Variants in GNLY observed in about 807,000 individuals in gnomAD.
GNLY encodes the protein T-cell activation protein 519.
GNLY carries 15 observed loss-of-function variants against 18.5 expected under a neutral mutation model. The ratio of observed to expected loss-of-function variants is 0.81; its 90% CI spans 0.54 to 1.25. The LOEUF is 1.25. GNLY is among the 50% of genes most tolerant of loss of function. GNLY has a pLI of 0.00. For missense variants in GNLY, 178 were observed against 186.9 expected (o/e 0.95, Z 0.28); for synonymous variants, 77 against 74.9 (o/e 1.03, Z -0.14).
rs761811741 is a variant in GNLY at position 85,695,966 on chromosome 2, G to A, written c.165G>A (p.Leu55=). Residue 55 remains leucine, a synonymous_variant, in exon 3 of 5, where the codon CTG becomes CTA. Transcript: ENST00000263863. ...GCTTTCTTTCCTGACAGGGTGACCTGTTGACCAAAACACAGGAGCTGGGCC... is the reference window on the plus strand; with the variant it reads ...GCTTTCTTTCCTGACAGGGTGACCTATTGACCAAAACACAGGAGCTGGGCC... ...CLAQEGPQGD[L]LTKTQELGRD... 4.4e-6 allele frequency: 7 copies of A among 1,603,066 alleles called. No individual in the cohort carries two copies. Among genetic ancestry groups the A allele is most frequent in the Non-Finnish European group, 6.0e-6 (7 of 1,169,996 alleles).
In GNLY at chr2:85,694,653, C is replaced by T. The variant is rs141328337; in HGVS notation, c.52+183C>T. On this transcript the variant is annotated intron_variant, in intron 1 of 4. Coordinates refer to ENST00000263863, the MANE Select transcript of GNLY (RefSeq NM_006433.5). Reference sequence around the variant, plus strand: ...GGCTTAGTCCAGTGTGCTGCCCAGCCTGTCACTGGCCTGGCCAAGGAGGAG... The same window carrying T: ...GGCTTAGTCCAGTGTGCTGCCCAGCTTGTCACTGGCCTGGCCAAGGAGGAG... The T allele has an allele frequency of 1.7e-4, 189 of 1,132,674 alleles. 1 individual carries two copies. In the Middle Eastern group the frequency reaches 3.0e-3, roughly 18 times the overall value. The allele number at this position is 1,132,674 out of a possible 1,614,324, so 70.2% of individuals were successfully genotyped here.
Position 85,696,068 on chromosome 2 carries a change from G to C in GNLY, c.255+12G>C, listed in dbSNP as rs760741630. ...ATAAGCCCACCCAGGTGAGGCCAAG[G>C]GGCTACAGAGCCTCCTGTCTGCTGC... is the stretch of plus-strand genomic sequence containing the variant. On this transcript the variant is annotated intron_variant, in intron 3 of 4. Transcript: ENST00000263863. 1 of 1,452,094 alleles carries C rather than the reference G, an allele frequency of 6.9e-7. No homozygotes were observed. Among genetic ancestry groups the C allele is most frequent in the South Asian group, 1.2e-5 (1 of 86,746 alleles). 90.0% of individuals were successfully genotyped at this position (1,452,094 alleles called of 1,614,324 possible).
Position 85,698,633 on chromosome 2 carries a change from C to G in GNLY, c.*59C>G, listed in dbSNP as rs7908. On this transcript the variant is annotated 3_prime_UTR_variant, in exon 5 of 5. Transcript: ENST00000263863. Reference sequence around the variant, plus strand: ...GCTCCTGTCCTCAGATCCCGGGAACCTCAGCAACCTCTGCCGGCTCCTCGC... The same window carrying G: ...GCTCCTGTCCTCAGATCCCGGGAACGTCAGCAACCTCTGCCGGCTCCTCGC... 637,335 of 1,611,622 alleles carry G rather than the reference C, an allele frequency of 0.4. 128,052 individuals are homozygous for G. Among genetic ancestry groups the G allele is most frequent in the East Asian group, 0.58 (26,188 of 44,852 alleles).
At chr2:85,697,259 G>A (rs1678491511) in intron 3 of GNLY, 4 of 489,114 alleles carry the variant, frequency 8.2e-6, no homozygotes, top group Middle Eastern at 1.1e-3. Context: ...AGGTGCACAA[G>A]GCGCTGAGAC....
At chr2:85,695,890 T>C in intron 2 of GNLY, 68 bp from the exon 3 acceptor site, 3 of 864,704 alleles carry the variant, frequency 3.5e-6, no homozygotes, top group Non-Finnish European at 5.8e-6. Context: ...AAGGGCCCCT[T>C]TCCTGGGCAC....
At chr2:85,695,484 C>A in intron 2 of GNLY, 61 bp downstream of exon 2, 1 of 1,013,498 alleles carries the variant, frequency 9.9e-7, no homozygotes, top group Non-Finnish European at 1.5e-6. Context: ...TCCCTGGTGG[C>A]TCCTGGGGTG....
intron 4 of GNLY, 167 bp from the exon 5 acceptor site, chr2:85,698,397 G>A: frequency 9.4e-7 from 1 of 1,059,066 alleles, no homozygotes; most frequent in Non-Finnish European, 1.5e-6. Flanking sequence ...TTCTATTCAA[G>A]GCCCCACAAC....
In GNLY at chr2:85,696,015, AT is replaced by A; in HGVS notation, c.215del (p.Ile72LysfsTer5). ...LGRDYRTCLT[I>X]VQKLKKMVDK... is the part of the protein sequence containing the mutation. ...CCGTGACTACAGGACCTGTCTGACG[AT>A]AGTCCAAAAACTGAAGAAGATGGTG... On this transcript the variant is annotated frameshift_variant, in exon 3 of 5. Transcript: ENST00000263863. LOFTEE classifies it high-confidence loss of function. The A allele has an allele frequency of 6.2e-7, 1 of 1,612,156 alleles. No homozygotes were observed. The highest frequency in any genetic ancestry group is 1.1e-5 in the South Asian group (1 of 90,972).
chr2:85,695,431 T>C lies in GNLY; in HGVS notation c.156+8T>C. The C allele has an allele frequency of 6.5e-7, 1 of 1,533,956 alleles. No homozygotes were observed. The highest frequency in any genetic ancestry group is 2.2e-5 in the East Asian group (1 of 44,514). On this transcript the variant is annotated splice_region_variant and intron_variant, in intron 2 of 4. Transcript: ENST00000263863. ...GCCCAGGAGGGCCCCCAGGTACGTG[T>C]TGGCTCTCTGCTCACCTGCCACAGT...
At chr2:85,697,783 AGT>A in intron 4 of GNLY, 106 bp downstream of exon 4, 2 of 757,370 alleles carry the variant, frequency 2.6e-6, no homozygotes, top group Non-Finnish European at 4.4e-6. Flanking sequence ...AGCTTGGGAA[AGT>A]GTGGAGAATT....
chr2:85,694,516 C>T (rs770336219), intron 1 of GNLY, 46 bp downstream of exon 1: 25 of 1,571,412 alleles, frequency 1.6e-5, no homozygotes, highest in South Asian at 1.1e-4. Flanking sequence ...CACCCAGCCT[C>T]GCACTCTCAG....
rs1292472104 is a variant in GNLY at position 85,697,252 on chromosome 2, T to C, written c.256-254T>C. ...CTCCACACAGAAGGCAGGGGACAGG[T>C]GCACAAGGCGCTGAGACCCCAGCAG... On this transcript the variant is annotated intron_variant, in intron 3 of 4. Transcript: ENST00000263863. 6.4e-6 allele frequency: 3 copies of C among 470,272 alleles called. No homozygotes were observed. In the Admixed American group the frequency reaches 1.0e-4, roughly 16 times the overall value. 29.1% of individuals were successfully genotyped at this position (470,272 alleles called of 1,614,324 possible).
At chr2:85,697,942 GT>G (rs11295401) in intron 4 of GNLY, among the ~76,000 whole-genome samples, 5,193 of 152,342 alleles carry the variant, frequency 0.034, 297 homozygotes, top group African/African-American at 0.12. Flanking sequence ...CTGAGCTTCA[GT>G]TTCTTCATCT....
rs747844116 is a variant in GNLY, at chr2:85,698,716, C to A, written c.*142C>A. 1.3e-6 allele frequency: 2 copies of A among 1,575,972 alleles called. No individual in the cohort carries two copies. The highest frequency in any genetic ancestry group is 1.7e-6 in the Non-Finnish European group (2 of 1,165,202). ...CTCCCCTGACTCCCTCTGCTGTCCTCCCCTCTCACGAGAATAAAGTGTCAA... is the reference window on the plus strand; with the variant it reads ...CTCCCCTGACTCCCTCTGCTGTCCTACCCTCTCACGAGAATAAAGTGTCAA... On this transcript the variant is annotated 3_prime_UTR_variant, in exon 5 of 5. Transcript: ENST00000263863.
Position 85,695,428 on chromosome 2 carries a change from G to T in GNLY, c.156+5G>T, listed in dbSNP as rs577878645. 4 of 1,553,568 alleles carry T rather than the reference G, an allele frequency of 2.6e-6. No homozygotes were observed. Among genetic ancestry groups the T allele is most frequent in the Non-Finnish European group, 3.6e-6 (4 of 1,125,300 alleles). On this transcript the variant is annotated splice_donor_5th_base_variant and intron_variant, in intron 2 of 4. Transcript: ENST00000263863. ...CTGGCCCAGGAGGGCCCCCAGGTACGTGTTGGCTCTCTGCTCACCTGCCAC... is the reference window on the plus strand; with the variant it reads ...CTGGCCCAGGAGGGCCCCCAGGTACTTGTTGGCTCTCTGCTCACCTGCCAC...
Position 85,698,586 on chromosome 2 carries a change from T to C in GNLY, c.*12T>C, listed in dbSNP as rs908411895. 1.2e-6 allele frequency: 2 copies of C among 1,613,464 alleles called. No homozygotes were observed. Among genetic ancestry groups the C allele is most frequent in the African/African-American group, 2.7e-5 (2 of 74,882 alleles). On this transcript the variant is annotated 3_prime_UTR_variant, in exon 5 of 5. Coordinates refer to ENST00000263863, the MANE Select transcript of GNLY (RefSeq NM_006433.5). ...CAGGTCCCCTCTGAGCCCTCTCACC[T>C]TGTCCTGTGGAAGAAGCACAGGCTC...
Position 85,696,538 on chromosome 2 carries a change from CTT to C in GNLY, c.255+496_255+497del, listed in dbSNP as rs35724532. On this transcript the variant is annotated intron_variant, in intron 3 of 4. Transcript: ENST00000263863. ...TCCCTATCTTGCAAGTTGTCAAACC[CTT>C]TTTTTTTTTTTTTCCTTGAGATAGG... 342 of 144,664 alleles carry C rather than the reference CTT, an allele frequency of 2.4e-3. 1 individual carries two copies. The highest frequency in any genetic ancestry group is 4.7e-3 in the African/African-American group (183 of 38,756). 9.0% of individuals were successfully genotyped at this position (144,664 alleles called of 1,614,324 possible). A position where few individuals can be genotyped will look rare whatever the true frequency, so the allele number is the denominator to read the frequency against.
chr2:85,698,103 G>C (rs1678530299), intron 4 of GNLY, among the ~76,000 whole-genome samples: 1 of 152,236 alleles, frequency 6.6e-6, no homozygotes, highest in African/African-American at 2.4e-5. Flanking sequence ...TCCCAGCCCA[G>C]CACAGGCCCC....
Position 85,696,012 on chromosome 2 carries a change from A to C in GNLY, c.211A>C (p.Thr71Pro). 6.2e-7 allele frequency: 1 copy of C among 1,612,268 alleles called. No homozygotes were observed. Among genetic ancestry groups the C allele is most frequent in the Non-Finnish European group, 8.5e-7 (1 of 1,178,422 alleles). The change falls in exon 3 of 5, where the codon ACG becomes CCG. Residue 71 changes from threonine to proline, a missense_variant. Coordinates refer to ENST00000263863, the MANE Select transcript of GNLY (RefSeq NM_006433.5). ...ELGRDYRTCL[T>P]IVQKLKKMVD... ...GGGCCGTGACTACAGGACCTGTCTG[A>C]CGATAGTCCAAAAACTGAAGAAGAT...
Sources: gnomAD v4.1 joint callset for allele counts (sites outside exome capture counted in the v4.1 genomes callset) on GRCh38, gnomAD v4.1.1 for gene constraint, MANE v1.5 for transcripts, NCBI Gene and HGNC (gene_info 2026-07-23, HGNC 2026-07-21) for gene names.